Variants in ANK3 observed in about 807,000 individuals in gnomAD.
The protein encoded by ANK3 is ankyrin-3.
Under a neutral mutation model 370.9 loss-of-function variants are expected in ANK3, and 57 were observed. The ratio of observed to expected loss-of-function variants is 0.15; its 90% CI spans 0.12 to 0.19. The LOEUF (loss-of-function observed/expected upper bound fraction) is 0.19. Among genes scored for constraint, ANK3 ranks in the 10% least tolerant of loss-of-function variants. The pLI, the probability that ANK3 is intolerant of heterozygous loss-of-function variation, is 1.00. For synonymous variants in ANK3, 1,929 were observed against 1,946.3 expected (o/e 0.99, Z 0.23); for missense variants, 4,439 against 5,302.1 (o/e 0.84, Z 5.06).
At chr10:60,102,626 G>A (rs191626295) in intron 28 of ANK3, among the ~76,000 whole-genome samples, 5 of 152,252 alleles carry the variant, frequency 3.3e-5, no homozygotes, top group East Asian at 3.9e-4. Flanking sequence ...ATTTGATTGC[G>A]TACATGGAAA....
chr10:60,137,590 C>T (rs2094413475), intron 24 of ANK3, among the ~76,000 whole-genome samples: 1 of 151,736 alleles, frequency 6.6e-6, no homozygotes, highest in East Asian at 1.9e-4. Context: ...TAACATGAGT[C>T]ATCAAAGTAA....
At chr10:60,144,362 G>A (rs969290588) in intron 23 of ANK3, among the ~76,000 whole-genome samples, 1 of 152,230 alleles carries the variant, frequency 6.6e-6, no homozygotes, top group African/African-American at 2.4e-5. Flanking sequence ...CAGGAGCACA[G>A]TGGCAAATGC....
chr10:60,611,848 C>A (rs781132384), intron 2 of ANK3, among the ~76,000 whole-genome samples: 19 of 150,448 alleles, frequency 1.3e-4, no homozygotes, highest in African/African-American at 4.7e-4. Flanking sequence ...AATGTTGCCA[C>A]GGGAGTCATA....
intron 1 of ANK3, among the ~76,000 whole-genome samples, chr10:60,382,814 T>C (rs1322580937): frequency 6.7e-6 from 1 of 148,592 alleles, no homozygotes; most frequent in African/African-American, 2.5e-5. Flanking sequence ...TATATATATA[T>C]ATATATATAT....
chr10:60,130,723 C>T (rs1418897591), intron 25 of ANK3, among the ~76,000 whole-genome samples: 1 of 152,216 alleles, frequency 6.6e-6, no homozygotes, highest in African/African-American at 2.4e-5. Flanking sequence ...TATCTAGACA[C>T]TTCTGTCTGC....
chr10:60,491,097 G>A (rs10821775), intron 2 of ANK3, among the ~76,000 whole-genome samples: 32,039 of 152,104 alleles, frequency 0.21, 3,809 homozygotes, highest in East Asian at 0.47. Flanking sequence ...CTATGTTGTT[G>A]CATGGTATCA....
intron 28 of ANK3, among the ~76,000 whole-genome samples, chr10:60,095,094 G>A (rs915837199): frequency 1.3e-5 from 2 of 152,242 alleles, no homozygotes; most frequent in African/African-American, 2.4e-5. Flanking sequence ...TCGGCATCAT[G>A]AGTACCTTCC....
At chr10:60,295,082 G>A (rs1031397868) in intron 1 of ANK3, among the ~76,000 whole-genome samples, 1 of 152,192 alleles carries the variant, frequency 6.6e-6, no homozygotes, top group Non-Finnish European at 1.5e-5. Context: ...AATGTACTAC[G>A]AGGGTTACTA....
At chr10:60,514,723 C>T (rs763884173) in intron 2 of ANK3, among the ~76,000 whole-genome samples, 9 of 151,998 alleles carry the variant, frequency 5.9e-5, no homozygotes, top group East Asian at 1.9e-4. Context: ...CTTTCTTCTT[C>T]GAGATTGGCA....
At chr10:60,237,455 C>T (rs1453448857) in intron 7 of ANK3, among the ~76,000 whole-genome samples, 1 of 152,096 alleles carries the variant, frequency 6.6e-6, no homozygotes, top group Non-Finnish European at 1.5e-5. Flanking sequence ...TTGAGAAAGA[C>T]TTAATTAACC....
intron 8 of ANK3, among the ~76,000 whole-genome samples, chr10:60,214,212 G>C (rs1334656157): frequency 6.6e-6 from 1 of 152,068 alleles, no homozygotes; most frequent in Non-Finnish European, 1.5e-5. Flanking sequence ...ATGAAGATTA[G>C]TTATTGCTAG....
At chr10:60,130,737 C>T (rs1489979742) in intron 25 of ANK3, among the ~76,000 whole-genome samples, 1 of 152,158 alleles carries the variant, frequency 6.6e-6, no homozygotes, top group African/African-American at 2.4e-5. Context: ...TGTCTGCCAG[C>T]TTCTTCTTTG....
chr10:60,058,803 G>T (rs1484792034), intron 41 of ANK3, among the ~76,000 whole-genome samples: 1 of 152,108 alleles, frequency 6.6e-6, no homozygotes, highest in Non-Finnish European at 1.5e-5. Context: ...ACCCAGGCTG[G>T]AGTGCAGTGG....
At chr10:60,491,433 A>G (rs564937771) in intron 2 of ANK3, among the ~76,000 whole-genome samples, 10 of 152,346 alleles carry the variant, frequency 6.6e-5, no homozygotes, top group Non-Finnish European at 1.2e-4. Context: ...AATGCAAATC[A>G]TAATAACATT....
chr10:60,081,154 C>A (rs1589708359), intron 35 of ANK3, among the ~76,000 whole-genome samples: 1 of 152,092 alleles, frequency 6.6e-6, no homozygotes, highest in African/African-American at 2.4e-5. Context: ...GTGGTGAGAT[C>A]CCGCCTCACT....
Position 60,389,408 on chromosome 10 carries a change from C to T in ANK3, c.114+17G>A. ...AAAGAATCCAGGCAAGATATATGCTCTGGCATACATAGATACCTTTTTCTT... is the reference window on the plus strand; with the variant it reads ...AAAGAATCCAGGCAAGATATATGCTTTGGCATACATAGATACCTTTTTCTT... On this transcript the variant is annotated intron_variant, in intron 1 of 43. Coordinates refer to ENST00000280772, the MANE Select transcript of ANK3 (RefSeq NM_020987.5). The T allele has an allele frequency of 1.2e-6, 2 of 1,608,568 alleles. No homozygotes were observed. The highest frequency in any genetic ancestry group is 1.7e-6 in the Non-Finnish European group (2 of 1,176,394).
chr10:60,256,590 G>A (rs2097739890), intron 7 of ANK3, among the ~76,000 whole-genome samples: 2 of 152,152 alleles, frequency 1.3e-5, no homozygotes, highest in Admixed American at 6.6e-5. Context: ...CATCACCTAG[G>A]TTGTGAGCAT....
rs2064185110 is a variant in ANK3, at chr10:60,437,393, CT to C, written c.97-157755del. Among the ~76,000 whole-genome samples, 3 of 152,292 alleles carry C rather than the reference CT, an allele frequency of 2.0e-5. No individual in the cohort carries two copies. In the South Asian group the frequency reaches 6.2e-4, roughly 32 times the overall value. On this transcript the variant is annotated intron_variant, in intron 2 of 43. Coordinates refer to the ANK3 transcript ENST00000373827. ...AAAGAAGAAAAGATACAAGAAAGAC[CT>C]TTAGCATGTCCTTAACTCAGCAGTA...
intron 1 of ANK3, among the ~76,000 whole-genome samples, chr10:60,384,751 T>C (rs946630629): frequency 6.6e-6 from 1 of 152,174 alleles, no homozygotes; most frequent in African/African-American, 2.4e-5. Context: ...AAGTGGTCAA[T>C]AAATGGCCTG....
Sources: allele counts gnomAD v4.1 joint callset (sites outside exome capture counted in the v4.1 genomes callset), GRCh38; gene constraint gnomAD v4.1.1; transcripts MANE v1.5; gene names NCBI Gene and HGNC (gene_info 2026-07-23, HGNC 2026-07-21).